The following PTPRD variants were observed in gnomAD, a reference collection of about 807,000 sequenced individuals.
PTPRD encodes receptor-type tyrosine-protein phosphatase delta.
PTPRD carries 34 observed loss-of-function variants against 214.5 expected under a neutral mutation model. The observed-to-expected ratio is 0.16, with a 90% CI of 0.12 to 0.21. The LOEUF (loss-of-function observed/expected upper bound fraction) is 0.21. Among genes scored for constraint, PTPRD ranks in the 10% least tolerant of loss-of-function variants. The probability of loss-of-function intolerance (pLI) is 1.00; values close to 1 mark genes in which losing one functional copy is unlikely to be tolerated. For missense variants in PTPRD, 2,545 were observed against 2,398.7 expected, an observed-to-expected ratio of 1.06 and a Z score of -1.27; for synonymous variants, 1,128 against 845.7, an observed-to-expected ratio of 1.33 and a Z score of -5.79.
chr9:9,296,715 G>T (rs1017583469), intron 9 of PTPRD, among the ~76,000 whole-genome samples: 1 of 151,742 alleles, frequency 6.6e-6, no homozygotes, highest in Non-Finnish European at 1.5e-5. Context: ...GGCTCTGATT[G>T]CTTTTGACAT....
At chr9:10,168,912 C>A (rs1017675309) in intron 3 of PTPRD, among the ~76,000 whole-genome samples, 3 of 152,000 alleles carry the variant, frequency 2.0e-5, no homozygotes, top group African/African-American at 4.8e-5. Flanking sequence ...GAATTTAATT[C>A]TTTGTTTGTT....
intron 3 of PTPRD, among the ~76,000 whole-genome samples, chr9:10,052,853 A>G (rs929568906): frequency 1.3e-5 from 2 of 151,974 alleles, no homozygotes; most frequent in Non-Finnish European, 2.9e-5. Flanking sequence ...TCTCACCTCC[A>G]TTCCTATGGC....
At chr9:9,641,442 C>G (rs2095947865) in intron 7 of PTPRD, among the ~76,000 whole-genome samples, 2 of 152,110 alleles carry the variant, frequency 1.3e-5, no homozygotes, top group South Asian at 4.1e-4. Context: ...GTAAGGGATT[C>G]ATTTTTAACC....
At chr9:8,318,421 T>C (rs985567447) in intron 45 of PTPRD, among the ~76,000 whole-genome samples, 1 of 152,008 alleles carries the variant, frequency 6.6e-6, no homozygotes, top group African/African-American at 2.4e-5. Context: ...TCTGAACTAC[T>C]GCCAACAGAA....
At chr9:8,654,676 A>G (rs1440690988) in intron 12 of PTPRD, among the ~76,000 whole-genome samples, 1 of 152,202 alleles carries the variant, frequency 6.6e-6, no homozygotes, top group African/African-American at 2.4e-5. Context: ...TCAATTTTTC[A>G]TAAGCATTAA....
rs780355220 is a variant in PTPRD at position 10,171,604 on chromosome 9, G to A, written c.-544-137814C>T. Among the ~76,000 whole-genome samples, 13 of 151,912 alleles carry A rather than the reference G, an allele frequency of 8.6e-5. No homozygotes were observed. In the East Asian group the frequency reaches 1.2e-3, roughly 14 times the overall value. On this transcript the variant is annotated intron_variant, in intron 3 of 45. Transcript: ENST00000381196. Reference sequence around the variant, plus strand: ...CAGCGGCGCAATCTCGGCTCACTGCGAGCTCCGCCTCCCGGGTTCACGCCA... The same window carrying A: ...CAGCGGCGCAATCTCGGCTCACTGCAAGCTCCGCCTCCCGGGTTCACGCCA...
At chr9:10,346,492 A>C (rs1334411198) in intron 2 of PTPRD, among the ~76,000 whole-genome samples, 1 of 152,240 alleles carries the variant, frequency 6.6e-6, no homozygotes, top group Non-Finnish European at 1.5e-5. Flanking sequence ...TTTAATATCA[A>C]AAAACTATTC....
At chr9:8,662,437 G>A (rs545779984) in intron 12 of PTPRD, among the ~76,000 whole-genome samples, 1 of 152,252 alleles carries the variant, frequency 6.6e-6, no homozygotes, top group African/African-American at 2.4e-5. Flanking sequence ...TATGTTCATG[G>A]TATGGTCTGG....
At chr9:9,191,806 T>G (rs2131858250) in intron 9 of PTPRD, among the ~76,000 whole-genome samples, 1 of 152,172 alleles carries the variant, frequency 6.6e-6, no homozygotes, top group African/African-American at 2.4e-5. Flanking sequence ...TAAATGCAAA[T>G]AAAATATTAA....
At chr9:9,363,247 C>A (rs977026556) in intron 9 of PTPRD, among the ~76,000 whole-genome samples, 1 of 150,568 alleles carries the variant, frequency 6.6e-6, no homozygotes, top group Non-Finnish European at 1.5e-5. Context: ...CTGATCAACA[C>A]CCCAAAAGGC....
intron 11 of PTPRD, among the ~76,000 whole-genome samples, chr9:8,737,228 G>C (rs6477332): frequency 0.61 from 93,115 of 151,976 alleles, 28,673 homozygotes; most frequent in Middle Eastern, 0.66. Flanking sequence ...ACGAATGCAG[G>C]TATAAACATA....
chr9:10,407,902 A>AACTCATAGTAAATC (rs2098390269), intron 2 of PTPRD, among the ~76,000 whole-genome samples: 1 of 151,526 alleles, frequency 6.6e-6, no homozygotes, highest in Non-Finnish European at 1.5e-5. Context: ...ATAAATTATC[A>AACTCATAGTAAATC]ACTCATAGTA....
intron 7 of PTPRD, among the ~76,000 whole-genome samples, chr9:9,692,159 T>C (rs1357023173): frequency 2.0e-5 from 3 of 152,124 alleles, no homozygotes; most frequent in African/African-American, 4.8e-5. Context: ...TTTGCTTTGG[T>C]TGCCTATGCT....
At chr9:10,143,220 C>T (rs899165437) in intron 3 of PTPRD, among the ~76,000 whole-genome samples, 10 of 151,924 alleles carry the variant, frequency 6.6e-5, no homozygotes, top group African/African-American at 2.4e-4. Context: ...CACATGTATA[C>T]ATATGTAACT....
chr9:8,364,793 G>A (rs1384292979), intron 39 of PTPRD, among the ~76,000 whole-genome samples: 2 of 152,180 alleles, frequency 1.3e-5, no homozygotes, highest in African/African-American at 2.4e-5. Flanking sequence ...TGCATTCAGG[G>A]TGCTCCCTGG....
intron 2 of PTPRD, among the ~76,000 whole-genome samples, chr9:10,388,253 T>A (rs1175275484): frequency 6.6e-6 from 1 of 151,862 alleles, no homozygotes; most frequent in East Asian, 2.0e-4. Flanking sequence ...TCAAAGATAT[T>A]AGCTTTATAT....
intron 39 of PTPRD, among the ~76,000 whole-genome samples, chr9:8,370,384 G>C (rs1289649922): frequency 4.6e-5 from 7 of 152,168 alleles, no homozygotes. Context: ...ACAGGCCATG[G>C]ACTTTGAAAT....
chr9:10,188,581 T>C (rs1234921362), intron 3 of PTPRD, among the ~76,000 whole-genome samples: 5 of 152,140 alleles, frequency 3.3e-5, no homozygotes, highest in African/African-American at 1.2e-4. Flanking sequence ...GTATCTTTTT[T>C]TTTTTTACAA....
intron 39 of PTPRD, among the ~76,000 whole-genome samples, chr9:8,364,380 T>C (rs895729662): frequency 2.6e-5 from 4 of 152,246 alleles, no homozygotes; most frequent in Non-Finnish European, 5.9e-5. Context: ...AAAAACAATA[T>C]TGACAAATTT....
Sources: gnomAD v4.1 joint callset for allele counts (sites outside exome capture counted in the v4.1 genomes callset) on GRCh38, gnomAD v4.1.1 for gene constraint, MANE v1.5 for transcripts, NCBI Gene and HGNC (gene_info 2026-07-23, HGNC 2026-07-21) for gene names.